Variants in TENM3 observed in about 807,000 individuals in gnomAD.
TENM3 encodes the protein teneurin-3.
A neutral mutation model predicts 255.1 loss-of-function variants in TENM3; 63 were observed. That is an observed-to-expected ratio of 0.25 (90% confidence interval 0.20 to 0.30). The LOEUF (loss-of-function observed/expected upper bound fraction) is 0.30, where lower values mean the gene tolerates loss of function less well. Among genes scored for constraint, TENM3 ranks in the 10% least tolerant of loss-of-function variants. The pLI is 1.00. For missense variants in TENM3, 2,929 were observed against 3,461.1 expected (o/e 0.85, Z 3.86); for synonymous variants, 1,306 against 1,322.3 (o/e 0.99, Z 0.27).
At chr4:182,159,969 A>G (rs896783248) in intron 1 of TENM3, among the ~76,000 whole-genome samples, 1 of 152,176 alleles carries the variant, frequency 6.6e-6, no homozygotes, top group Non-Finnish European at 1.5e-5. Flanking sequence ...TGGGAAAAAC[A>G]AATCTACCTA....
chr4:181,684,778 G>A, the TENM3 span, among the ~76,000 whole-genome samples: 4 of 151,988 alleles, frequency 2.6e-5, no homozygotes, highest in Non-Finnish European at 4.4e-5. Context: ...GTTTTGAGGT[G>A]GAGTCTCACT....
At chr4:182,415,960 C>G (rs1770329668) in intron 3 of TENM3, among the ~76,000 whole-genome samples, 1 of 152,064 alleles carries the variant, frequency 6.6e-6, no homozygotes, top group Non-Finnish European at 1.5e-5. Flanking sequence ...AATCCCCCTG[C>G]CTCCCCAGCA....
the TENM3 span, among the ~76,000 whole-genome samples, chr4:181,512,885 T>C: frequency 6.6e-6 from 1 of 152,212 alleles, no homozygotes; most frequent in Non-Finnish European, 1.5e-5. Context: ...ATATTTATCA[T>C]CTTGATTTAT....
chr4:182,015,767 G>A, the TENM3 span, among the ~76,000 whole-genome samples: 1 of 151,560 alleles, frequency 6.6e-6, no homozygotes, highest in East Asian at 2.0e-4. Context: ...CACCATGTTG[G>A]CCAGGCTGGT....
chr4:181,459,618 C>T, the TENM3 span, among the ~76,000 whole-genome samples: 58 of 151,846 alleles, frequency 3.8e-4, no homozygotes, highest in African/African-American at 1.4e-3. Context: ...ACTGGATTAT[C>T]TGGGATCAGG....
chr4:182,335,431 C>G (rs1764058420), intron 2 of TENM3, among the ~76,000 whole-genome samples: 1 of 122,314 alleles, frequency 8.2e-6, no homozygotes, highest in Non-Finnish European at 1.7e-5. Flanking sequence ...GGAGGCGGAG[C>G]TTGCAGTGAG....
chr4:181,813,570 A>C, the TENM3 span, among the ~76,000 whole-genome samples: 1 of 152,214 alleles, frequency 6.6e-6, no homozygotes, highest in Admixed American at 6.5e-5. Context: ...ATGAAGAAAA[A>C]GTTAAGAGAC....
chr4:182,017,868 A>G, the TENM3 span, among the ~76,000 whole-genome samples: 3 of 152,208 alleles, frequency 2.0e-5, 1 homozygote, highest in Non-Finnish European at 4.4e-5. Context: ...TTTACAAACT[A>G]AAGTCACTTT....
At chr4:181,553,258 T>A in the TENM3 span, among the ~76,000 whole-genome samples, 9 of 97,570 alleles carry the variant, frequency 9.2e-5, no homozygotes, top group African/African-American at 3.4e-4. Context: ...TTATAGTCAT[T>A]AAGTGTGTGT....
At chr4:182,478,925 CTT>C (rs915253427) in intron 3 of TENM3, among the ~76,000 whole-genome samples, 8 of 151,856 alleles carry the variant, frequency 5.3e-5, no homozygotes, top group African/African-American at 1.9e-4. Context: ...GAATGGAAGA[CTT>C]TTATGATTGA....
At chr4:182,514,308 G>T (rs181920799) in intron 3 of TENM3, among the ~76,000 whole-genome samples, 168 of 152,310 alleles carry the variant, frequency 1.1e-3, no homozygotes, top group Non-Finnish European at 1.6e-3. Context: ...ATGAAGAGTA[G>T]GGAAATGGAA....
intron 1 of TENM3, among the ~76,000 whole-genome samples, chr4:182,154,652 A>T (rs1362740893): frequency 6.6e-6 from 1 of 152,082 alleles, no homozygotes; most frequent in East Asian, 1.9e-4. Flanking sequence ...TAAGTGGGGT[A>T]CCTCCTCAGT....
chr4:182,313,800 T>C (rs974318572), intron 1 of TENM3, among the ~76,000 whole-genome samples: 1 of 152,180 alleles, frequency 6.6e-6, no homozygotes, highest in Non-Finnish European at 1.5e-5. Flanking sequence ...TTCTCAACTC[T>C]TTTCTTTTCC....
intron 1 of TENM3, among the ~76,000 whole-genome samples, chr4:182,183,218 A>C (rs1205060545): frequency 1.3e-5 from 2 of 152,140 alleles, no homozygotes; most frequent in Non-Finnish European, 2.9e-5. Flanking sequence ...TCTTCTTATT[A>C]TTATTATTTA....
In TENM3 at chr4:182,729,157, C is replaced by T; in HGVS notation, c.2561C>T (p.Pro854Leu). 6.2e-7 allele frequency: 1 copy of T among 1,613,908 alleles called. No individual in the cohort carries two copies. Among genetic ancestry groups the T allele is most frequent in the East Asian group, 2.2e-5 (1 of 44,872 alleles). ...GGATCTGATAGCACCCATGTTATAC[C>T]TGGAGAAAGTCCTTTCAATAAGAGG... is the stretch of plus-strand genomic sequence containing the variant. ...LIGSDSTHVIPGESPFNKSLA... is the reference protein window; with the variant it reads ...LIGSDSTHVILGESPFNKSLA... Residue 854 changes from proline to leucine, a missense_variant, in exon 14 of 28, where the codon CCT becomes CTT. Physicochemically the swap from Pro to Leu is moderately conservative, Grantham distance 98. This residue lies in a region of TENM3 where 1,608 missense variants were observed against 1,884.4 expected (regional missense o/e 0.85). Transcript: ENST00000511685.
the TENM3 span, among the ~76,000 whole-genome samples, chr4:181,479,569 T>C: frequency 6.6e-6 from 1 of 152,150 alleles, no homozygotes; most frequent in Non-Finnish European, 1.5e-5. Flanking sequence ...TTTATTCTAC[T>C]GTCATAAATA....
chr4:182,495,555 G>A (rs1735695997), intron 3 of TENM3, among the ~76,000 whole-genome samples: 2 of 152,096 alleles, frequency 1.3e-5, no homozygotes, highest in South Asian at 4.1e-4. Context: ...GAAAAATGAA[G>A]ACTCTCTTGC....
At chr4:181,512,898 A>G in the TENM3 span, among the ~76,000 whole-genome samples, 1 of 152,344 alleles carries the variant, frequency 6.6e-6, no homozygotes, top group Non-Finnish European at 1.5e-5. Flanking sequence ...TGATTTATTA[A>G]GGAGCAGCTG....
chr4:182,279,018 G>A (rs781567814), intron 1 of TENM3, among the ~76,000 whole-genome samples: 10 of 152,212 alleles, frequency 6.6e-5, no homozygotes, highest in Non-Finnish European at 1.2e-4. Context: ...GTCGGGGCAG[G>A]GGCCGCTGCA....
Sources: allele counts gnomAD v4.1 joint callset (sites outside exome capture counted in the v4.1 genomes callset), GRCh38; gene constraint gnomAD v4.1.1; regional missense constraint gnomAD v4.1.1; transcripts MANE v1.5; gene names NCBI Gene and HGNC (gene_info 2026-07-23, HGNC 2026-07-21).